The following CDKAL1 variants were observed in gnomAD, a reference collection of about 807,000 sequenced individuals.
CDKAL1 encodes the protein threonylcarbamoyladenosine tRNA methylthiotransferase.
CDKAL1 carries 32 observed loss-of-function variants against 68.2 expected under a neutral mutation model. That is an observed-to-expected ratio of 0.47 (90% CI 0.35 to 0.63). CDKAL1 has a LOEUF of 0.63. Among genes scored for constraint, CDKAL1 ranks in the 30% least tolerant of loss-of-function variants. The probability of loss-of-function intolerance (pLI) is 0.00; values close to 1 mark genes in which losing one functional copy is unlikely to be tolerated. For missense variants in CDKAL1, 606 were observed against 696.7 expected (o/e 0.87, Z 1.47); for synonymous variants, 234 against 244.3 (o/e 0.96, Z 0.39).
At chr6:21,137,537 A>G (rs1050333134) in intron 13 of CDKAL1, among the ~76,000 whole-genome samples, 2 of 152,210 alleles carry the variant, frequency 1.3e-5, no homozygotes, top group Non-Finnish European at 2.9e-5. Context: ...GATATTTTTT[A>G]TCTTTTCAGA....
At chr6:20,894,903 C>T (rs985689093) in intron 9 of CDKAL1, among the ~76,000 whole-genome samples, 8 of 150,854 alleles carry the variant, frequency 5.3e-5, no homozygotes, top group African/African-American at 2.0e-4. Context: ...AGAGAATAAA[C>T]AATCTTAGTT....
chr6:21,002,104 A>G (rs1049924381), intron 11 of CDKAL1, among the ~76,000 whole-genome samples: 3 of 152,212 alleles, frequency 2.0e-5, no homozygotes. Context: ...GAGGTCTGTT[A>G]AATCTGTTCC....
intron 10 of CDKAL1, among the ~76,000 whole-genome samples, chr6:20,999,643 A>C (rs796657725): frequency 8.7e-5 from 13 of 149,672 alleles, no homozygotes; most frequent in African/African-American, 3.0e-4. Context: ...ATAGATACTC[A>C]AAAAATATGT....
At chr6:20,542,343 C>G (rs1763420795) in intron 2 of CDKAL1, among the ~76,000 whole-genome samples, 1 of 152,176 alleles carries the variant, frequency 6.6e-6, no homozygotes, top group Admixed American at 6.5e-5. Context: ...TAGTAGAGTA[C>G]CACACAGTGC....
chr6:20,551,654 G>C (rs572303448), intron 4 of CDKAL1, among the ~76,000 whole-genome samples: 2 of 152,200 alleles, frequency 1.3e-5, no homozygotes, highest in African/African-American at 4.8e-5. Context: ...ACAGGTGTGA[G>C]CCACCGCGCC....
intron 12 of CDKAL1, among the ~76,000 whole-genome samples, chr6:21,071,710 C>T (rs1198093298): frequency 6.6e-6 from 1 of 151,558 alleles, no homozygotes. Flanking sequence ...TCTAGGCTAT[C>T]ATGTATCTTC....
chr6:21,015,960 AAAAG>A (rs1768305932), intron 11 of CDKAL1, among the ~76,000 whole-genome samples: 2 of 151,704 alleles, frequency 1.3e-5, no homozygotes, highest in African/African-American at 2.4e-5. Context: ...AAAAAAAAAA[AAAAG>A]AAAGAATCAT....
chr6:20,570,844 G>A (rs1418854905), intron 4 of CDKAL1, among the ~76,000 whole-genome samples: 1 of 152,138 alleles, frequency 6.6e-6, no homozygotes, highest in East Asian at 1.9e-4. Context: ...AAAAAAAAGG[G>A]TAAAATGTAC....
At chr6:20,558,652 A>C in intron 4 of CDKAL1, 1 of 454,110 alleles carries the variant, frequency 2.2e-6, no homozygotes, top group South Asian at 1.6e-5. Flanking sequence ...TTTGTTCATC[A>C]CACCACATTT....
chr6:21,012,089 G>A lies in CDKAL1; in HGVS notation c.1055+11717G>A, dbSNP rs117079130. On this transcript the variant is annotated intron_variant, in intron 11 of 15. Coordinates refer to ENST00000274695, the MANE Select transcript of CDKAL1 (RefSeq NM_017774.3). The stretch of plus-strand genomic sequence containing the variant: ...TGCTTAATCTCCAGCCATCACATCT[G>A]CATTCCAAACAGTAGGAAGGCAAGG... Among the ~76,000 whole-genome samples the A allele has an allele frequency of 3.3e-3, 496 of 152,258 alleles. 20 individuals are homozygous for A. In the East Asian group the frequency reaches 0.087, roughly 27 times the overall value.
At chr6:21,044,231 T>C (rs1770095222) in intron 11 of CDKAL1, among the ~76,000 whole-genome samples, 1 of 152,196 alleles carries the variant, frequency 6.6e-6, no homozygotes, top group African/African-American at 2.4e-5. Flanking sequence ...CCTTCTCTCT[T>C]GTATTGAGCC....
intron 13 of CDKAL1, among the ~76,000 whole-genome samples, chr6:21,130,896 C>T (rs1582263149): frequency 6.6e-6 from 1 of 152,294 alleles, no homozygotes; most frequent in African/African-American, 2.4e-5. Context: ...CTAAAAGGAC[C>T]TGCCAGCTAG....
At chr6:20,940,027 A>G (rs1015801922) in intron 9 of CDKAL1, among the ~76,000 whole-genome samples, 1 of 152,212 alleles carries the variant, frequency 6.6e-6, no homozygotes, top group Non-Finnish European at 1.5e-5. Context: ...ACTTTGAAGT[A>G]TAGTTTTAAA....
intron 12 of CDKAL1, among the ~76,000 whole-genome samples, chr6:21,074,304 G>A (rs1771951068): frequency 6.6e-6 from 1 of 152,252 alleles, no homozygotes; most frequent in Non-Finnish European, 1.5e-5. Flanking sequence ...AGGTGTCCGT[G>A]TATGTCTCTG....
chr6:20,950,902 G>A (rs9460582), intron 9 of CDKAL1, among the ~76,000 whole-genome samples: 19,983 of 151,748 alleles, frequency 0.13, 1,738 homozygotes, highest in African/African-American at 0.25. Context: ...CCTCGGAGGC[G>A]GAGGTTACAG....
At chr6:21,203,310 C>T (rs1260852548) in intron 15 of CDKAL1, among the ~76,000 whole-genome samples, 1 of 141,366 alleles carries the variant, frequency 7.1e-6, no homozygotes, top group East Asian at 2.3e-4. Flanking sequence ...AGTGTCAGCT[C>T]ACTGCAGCCT....
intron 12 of CDKAL1, among the ~76,000 whole-genome samples, chr6:21,106,806 A>G (rs1773866588): frequency 6.6e-6 from 1 of 152,216 alleles, no homozygotes; most frequent in Non-Finnish European, 1.5e-5. Flanking sequence ...ACAGCTGTAC[A>G]TAGAATGACC....
chr6:20,711,047 A>ACATATATCATATAT (rs1771820494), intron 5 of CDKAL1, among the ~76,000 whole-genome samples: 2 of 152,152 alleles, frequency 1.3e-5, no homozygotes, highest in Admixed American at 1.3e-4. Flanking sequence ...GAATTGAGCG[A>ACATATATCATATAT]CATATATCAT....
At chr6:20,619,870 A>G (rs1042543928) in intron 4 of CDKAL1, among the ~76,000 whole-genome samples, 1 of 152,208 alleles carries the variant, frequency 6.6e-6, no homozygotes, top group African/African-American at 2.4e-5. Context: ...TATTTTAAAT[A>G]TCCCCCTATT....
Sources: allele counts gnomAD v4.1 joint callset (sites outside exome capture counted in the v4.1 genomes callset), GRCh38; gene constraint gnomAD v4.1.1; transcripts MANE v1.5; gene names NCBI Gene and HGNC (gene_info 2026-07-23, HGNC 2026-07-21).